ARHGAP26: variants seen among roughly 807,000 people sequenced by gnomAD.
ARHGAP26 encodes the protein Rho GTPase activating protein 26.
Under a neutral mutation model 104.8 loss-of-function variants are expected in ARHGAP26, and 38 were observed. The observed-to-expected ratio is 0.36, with a 90% CI of 0.28 to 0.48. ARHGAP26 has a LOEUF of 0.48. Ranked by LOEUF, ARHGAP26 falls within the 20% of genes least tolerant of loss-of-function variation. ARHGAP26 has a pLI of 0.99. For missense variants in ARHGAP26, 704 were observed against 947.9 expected, an observed-to-expected ratio of 0.74 and a Z score of 3.38; for synonymous variants, 341 against 340.0, an observed-to-expected ratio of 1.00 and a Z score of -0.03.
At chr5:142,965,664 T>C (rs1463918644) in intron 11 of ARHGAP26, among the ~76,000 whole-genome samples, 1 of 152,222 alleles carries the variant, frequency 6.6e-6, no homozygotes, top group East Asian at 1.9e-4. Context: ...TCATATATAA[T>C]CATCTCTAAG....
intron 20 of ARHGAP26, among the ~76,000 whole-genome samples, chr5:143,152,842 T>G (rs1005842873): frequency 6.6e-6 from 1 of 152,180 alleles, no homozygotes; most frequent in African/African-American, 2.4e-5. Flanking sequence ...CAGCTCAGCA[T>G]TGGGACCACC....
intron 8 of ARHGAP26, 110 bp downstream of exon 8, chr5:142,903,779 A>G: frequency 1.1e-5 from 13 of 1,156,840 alleles, no homozygotes; most frequent in Non-Finnish European, 1.5e-5. Flanking sequence ...CTTGGATAAC[A>G]AGAACAATTT....
At chr5:142,959,565 C>T (rs1306666385) in intron 11 of ARHGAP26, among the ~76,000 whole-genome samples, 3 of 152,206 alleles carry the variant, frequency 2.0e-5, no homozygotes, top group African/African-American at 4.8e-5. Flanking sequence ...CTGGAGGCAG[C>T]GCCATGTTCC....
chr5:142,994,762 A>C (rs531508856), intron 11 of ARHGAP26, among the ~76,000 whole-genome samples: 16 of 152,250 alleles, frequency 1.1e-4, no homozygotes, highest in African/African-American at 3.6e-4. Flanking sequence ...CTGAGCATTT[A>C]CTCTGTGCCA....
At chr5:142,778,355 A>T (rs189683909) in intron 1 of ARHGAP26, among the ~76,000 whole-genome samples, 1 of 152,364 alleles carries the variant, frequency 6.6e-6, no homozygotes, top group East Asian at 1.9e-4. Context: ...CAAAGAGTAT[A>T]GACGTATACA....
At chr5:143,074,356 C>T (rs1177871177) in intron 17 of ARHGAP26, among the ~76,000 whole-genome samples, 1 of 152,188 alleles carries the variant, frequency 6.6e-6, no homozygotes, top group East Asian at 1.9e-4. Context: ...TTTTACTTCT[C>T]CTTCATCTAT....
chr5:143,144,142 A>C (rs1798884240), intron 19 of ARHGAP26, among the ~76,000 whole-genome samples: 1 of 151,956 alleles, frequency 6.6e-6, no homozygotes, highest in African/African-American at 2.4e-5. Flanking sequence ...CTAGCCTATA[A>C]TTTTTTTCCT....
At chr5:143,057,849 T>G in intron 17 of ARHGAP26, 102 bp downstream of exon 17, 2 of 944,306 alleles carry the variant, frequency 2.1e-6, no homozygotes, top group Admixed American at 3.7e-5. Context: ...TCTCCCACTA[T>G]TGCATCAGGT....
At chr5:143,147,016 G>A (rs1799242786) in intron 19 of ARHGAP26, among the ~76,000 whole-genome samples, 1 of 152,152 alleles carries the variant, frequency 6.6e-6, no homozygotes, top group Non-Finnish European at 1.5e-5. Flanking sequence ...GTTATGACGA[G>A]GAAAGGGGTT....
intron 1 of ARHGAP26, among the ~76,000 whole-genome samples, chr5:142,803,097 T>G (rs1396539335): frequency 2.0e-5 from 3 of 152,180 alleles, no homozygotes; most frequent in Non-Finnish European, 4.4e-5. Context: ...TAGTTTCTTC[T>G]GGTGAAAGAA....
chr5:143,215,463 T>C (rs1477246883), intron 22 of ARHGAP26, among the ~76,000 whole-genome samples: 2 of 152,238 alleles, frequency 1.3e-5, no homozygotes, highest in Non-Finnish European at 2.9e-5. Flanking sequence ...TTTAACGGTT[T>C]ATTAAGATAG....
chr5:142,826,477 T>C (rs1399634257), intron 1 of ARHGAP26, among the ~76,000 whole-genome samples: 1 of 152,268 alleles, frequency 6.6e-6, no homozygotes, highest in Admixed American at 6.5e-5. Flanking sequence ...CATTCAATTA[T>C]TGGATAGCCA....
chr5:142,930,672 C>G (rs1209343649), intron 10 of ARHGAP26, among the ~76,000 whole-genome samples: 1 of 152,010 alleles, frequency 6.6e-6, no homozygotes, highest in South Asian at 2.1e-4. Flanking sequence ...CTGTCTCTCC[C>G]GACCCACACG....
At chr5:142,953,145 C>T (rs1366037231) in intron 11 of ARHGAP26, among the ~76,000 whole-genome samples, 1 of 152,184 alleles carries the variant, frequency 6.6e-6, no homozygotes, top group South Asian at 2.1e-4. Context: ...CCACACCAAC[C>T]AGGATTGTCC....
At chr5:142,977,386 T>C (rs1274077263) in intron 11 of ARHGAP26, among the ~76,000 whole-genome samples, 4 of 152,292 alleles carry the variant, frequency 2.6e-5, no homozygotes, top group East Asian at 3.9e-4. Flanking sequence ...CATTCTTTTA[T>C]TGGCACACAG....
intron 1 of ARHGAP26, among the ~76,000 whole-genome samples, chr5:142,777,454 A>T (rs1042299155): frequency 4.6e-5 from 7 of 152,222 alleles, no homozygotes; most frequent in African/African-American, 1.7e-4. Flanking sequence ...TGTAAAGGGG[A>T]CTTTGTTATC....
At chr5:142,809,977 T>C (rs1693193442) in intron 1 of ARHGAP26, among the ~76,000 whole-genome samples, 1 of 152,222 alleles carries the variant, frequency 6.6e-6, no homozygotes, top group South Asian at 2.1e-4. Flanking sequence ...TTTCTACAGC[T>C]GTGGATAAGA....
intron 12 of ARHGAP26, among the ~76,000 whole-genome samples, chr5:143,034,867 T>G (rs1269683613): frequency 6.6e-6 from 1 of 152,240 alleles, no homozygotes; most frequent in African/African-American, 2.4e-5. Flanking sequence ...GAGTTTTATT[T>G]GGAAGAATTA....
chr5:142,993,311 A>G (rs1306938034), intron 11 of ARHGAP26, among the ~76,000 whole-genome samples: 1 of 151,818 alleles, frequency 6.6e-6, no homozygotes, highest in Non-Finnish European at 1.5e-5. Context: ...CTGGGACTAC[A>G]GGCGCCCGCC....
Sources: gnomAD v4.1 joint callset for allele counts (sites outside exome capture counted in the v4.1 genomes callset) on GRCh38, gnomAD v4.1.1 for gene constraint, MANE v1.5 for transcripts, NCBI Gene and HGNC (gene_info 2026-07-23, HGNC 2026-07-21) for gene names.